The following MACROD2 variants were observed in gnomAD, a reference collection of about 807,000 sequenced individuals.
The protein encoded by MACROD2 is ADP-ribose glycohydrolase MACROD2.
A neutral mutation model predicts 70.4 loss-of-function variants in MACROD2; 36 were observed. The observed-to-expected ratio is 0.51, with a 90% CI of 0.39 to 0.68. The LOEUF (loss-of-function observed/expected upper bound fraction) is 0.68, where lower values mean the gene tolerates loss of function less well. Ranked by LOEUF, MACROD2 falls within the 30% of genes least tolerant of loss-of-function variation. The pLI is 0.00. For missense variants in MACROD2, 496 were observed against 538.4 expected (o/e 0.92, Z 0.78); for synonymous variants, 172 against 178.8 (o/e 0.96, Z 0.30).
At chr20:15,072,686 T>C (rs1238389455) in intron 5 of MACROD2, among the ~76,000 whole-genome samples, 1 of 152,196 alleles carries the variant, frequency 6.6e-6, no homozygotes, top group Non-Finnish European at 1.5e-5. Context: ...TGCTATATAA[T>C]CTGGAGTCTA....
At chr20:14,100,634 T>A (rs6079299) in intron 3 of MACROD2, among the ~76,000 whole-genome samples, 139,694 of 140,538 alleles carry the variant, frequency 0.99, 69,431 homozygotes, top group Non-Finnish European at 1. Context: ...AAATATATAT[T>A]TTTTTTATTT....
chr20:14,468,128 G>T (rs1016745341), intron 3 of MACROD2, among the ~76,000 whole-genome samples: 1 of 151,964 alleles, frequency 6.6e-6, no homozygotes, highest in African/African-American at 2.4e-5. Flanking sequence ...TATTAGGTCT[G>T]CTTGGTCCGG....
chr20:14,630,438 GT>G (rs1274608002), intron 4 of MACROD2, among the ~76,000 whole-genome samples: 2 of 152,216 alleles, frequency 1.3e-5, no homozygotes, highest in Admixed American at 1.3e-4. Flanking sequence ...GCTTTAAGAA[GT>G]AGGCCTCAGA....
In MACROD2 at chr20:15,596,703, C is replaced by CAGA. The variant is rs1447900561; in HGVS notation, c.645+96857_645+96858insGAA. Reference sequence around the variant, plus strand: ...TAAGTGGTTTGGTTCATTATATGTGCATTCTACATCCAAAAGAACCCATGC... The same window carrying CAGA: ...TAAGTGGTTTGGTTCATTATATGTGCAGAATTCTACATCCAAAAGAACCCATGC... On this transcript the variant is annotated intron_variant, in intron 8 of 17. Coordinates refer to ENST00000684519, the MANE Select transcript of MACROD2 (RefSeq NM_001351661.2). Among the ~76,000 whole-genome samples, 4 of 152,274 alleles carry CAGA rather than the reference C, an allele frequency of 2.6e-5. No homozygotes were observed. The South Asian group carries it at 6.2e-4, about 24-fold the overall frequency.
chr20:14,750,056 TA>T (rs2071850059), intron 5 of MACROD2, among the ~76,000 whole-genome samples: 1 of 152,164 alleles, frequency 6.6e-6, no homozygotes, highest in Non-Finnish European at 1.5e-5. Flanking sequence ...CTTAAGATGG[TA>T]AATTTTATGT....
chr20:15,783,030 T>C (rs1382205355), intron 8 of MACROD2, among the ~76,000 whole-genome samples: 1 of 152,162 alleles, frequency 6.6e-6, no homozygotes, highest in Non-Finnish European at 1.5e-5. Flanking sequence ...TATTTATCTT[T>C]TACATTCTTT....
At chr20:14,959,950 C>T (rs1204018347) in intron 5 of MACROD2, among the ~76,000 whole-genome samples, 1 of 152,148 alleles carries the variant, frequency 6.6e-6, no homozygotes, top group Non-Finnish European at 1.5e-5. Flanking sequence ...GCCCCACCTT[C>T]AGTGAGAAGG....
intron 2 of MACROD2, among the ~76,000 whole-genome samples, chr20:14,055,881 A>T (rs376595690): frequency 7.9e-5 from 12 of 152,128 alleles, no homozygotes; most frequent in African/African-American, 2.9e-4. Context: ...TGTATCTGGT[A>T]TTTAGCAGAG....
At chr20:15,725,897 ATATAGGTAAAT>A (rs1681973471) in intron 8 of MACROD2, among the ~76,000 whole-genome samples, 1 of 152,076 alleles carries the variant, frequency 6.6e-6, no homozygotes, top group Non-Finnish European at 1.5e-5. Flanking sequence ...CGGGTTTGTT[ATATAGGTAAAT>A]TGTGTAAATT....
At chr20:14,627,878 C>T (rs6110363) in intron 4 of MACROD2, among the ~76,000 whole-genome samples, 3 of 152,084 alleles carry the variant, frequency 2.0e-5, no homozygotes, top group Non-Finnish European at 4.4e-5. Context: ...AAATCCTGAC[C>T]TTAAGGACCT....
At chr20:14,237,748 G>C (rs1459250279) in intron 3 of MACROD2, among the ~76,000 whole-genome samples, 1 of 128,330 alleles carries the variant, frequency 7.8e-6, no homozygotes, top group African/African-American at 3.0e-5. Flanking sequence ...CTGTGTCCAT[G>C]TGTTCTCATT....
intron 8 of MACROD2, among the ~76,000 whole-genome samples, chr20:15,653,466 G>A (rs1190203812): frequency 6.6e-6 from 1 of 152,180 alleles, no homozygotes; most frequent in African/African-American, 2.4e-5. Context: ...CAATCACTCA[G>A]TCTGAATGTG....
chr20:14,352,180 GTT>G (rs1348216783), intron 3 of MACROD2: 1 of 152,114 alleles, frequency 6.6e-6, no homozygotes, highest in Non-Finnish European at 1.5e-5. Context: ...TTGGCCTGTA[GTT>G]TTTGTTTTGT....
chr20:14,649,325 A>G (rs1352953201), intron 4 of MACROD2, among the ~76,000 whole-genome samples: 2 of 152,162 alleles, frequency 1.3e-5, no homozygotes, highest in Non-Finnish European at 1.5e-5. Flanking sequence ...TGGCATAGTC[A>G]ATTTCCTCAG....
At chr20:14,384,047 C>T (rs1033331904) in intron 3 of MACROD2, among the ~76,000 whole-genome samples, 3 of 152,040 alleles carry the variant, frequency 2.0e-5, no homozygotes, top group African/African-American at 7.2e-5. Flanking sequence ...GCTTTATTTA[C>T]TAGTTTTCAT....
chr20:15,227,883 C>T (rs940264039), intron 5 of MACROD2, among the ~76,000 whole-genome samples: 10 of 126,870 alleles, frequency 7.9e-5, no homozygotes, highest in Non-Finnish European at 1.3e-4. Context: ...CATATCATAC[C>T]GAACCCATTT....
rs73597739 is a variant in MACROD2 at position 15,972,197 on chromosome 20, A to G, written c.985+4567A>G. 8.4e-3 allele frequency among the ~76,000 whole-genome samples: 1,257 copies of G among 150,062 alleles called. 3 individuals carry two copies. Among genetic ancestry groups the G allele is most frequent in the African/African-American group, 0.023 (916 of 39,916 alleles). ...GAAAACAGAATAAGTGACTGAGGGGAAAAAAAAAGAGCATCCATGAGCTAT... is the reference window on the plus strand; with the variant it reads ...GAAAACAGAATAAGTGACTGAGGGGGAAAAAAAAGAGCATCCATGAGCTAT... On this transcript the variant is annotated intron_variant, in intron 13 of 17. Coordinates refer to ENST00000684519, the MANE Select transcript of MACROD2 (RefSeq NM_001351661.2).
chr20:15,372,391 G>A (rs2045506037), intron 6 of MACROD2, among the ~76,000 whole-genome samples: 1 of 152,200 alleles, frequency 6.6e-6, no homozygotes, highest in Admixed American at 6.5e-5. Flanking sequence ...TGTATATTCA[G>A]ACTTTAATTT....
chr20:15,327,575 C>G (rs190656741), intron 6 of MACROD2, among the ~76,000 whole-genome samples: 1 of 152,022 alleles, frequency 6.6e-6, no homozygotes, highest in African/African-American at 2.4e-5. Flanking sequence ...TCAGATCTCA[C>G]GAGAACTCAC....
Sources: allele counts gnomAD v4.1 joint callset (sites outside exome capture counted in the v4.1 genomes callset), GRCh38; gene constraint gnomAD v4.1.1; transcripts MANE v1.5; gene names NCBI Gene and HGNC (gene_info 2026-07-23, HGNC 2026-07-21).